The following MTOR variants were observed in gnomAD, a reference collection of about 807,000 sequenced individuals.
MTOR encodes the protein serine/threonine-protein kinase mTOR.
MTOR carries 70 observed loss-of-function variants against 319.8 expected under a neutral mutation model. That is an observed-to-expected ratio of 0.22 (90% CI 0.18 to 0.27). MTOR has a LOEUF of 0.27. Ranked by LOEUF, MTOR falls within the 10% of genes least tolerant of loss-of-function variation. The pLI is 1.00. For synonymous variants in MTOR, 1,183 were observed against 1,211.4 expected (o/e 0.98, Z 0.49); for missense variants, 1,890 against 3,274.4 (o/e 0.58, Z 10.32).
At chr1:11,254,838 C>T (rs1160920322) in intron 5 of MTOR, among the ~76,000 whole-genome samples, 1 of 151,298 alleles carries the variant, frequency 6.6e-6, no homozygotes, top group Non-Finnish European at 1.5e-5. Flanking sequence ...GATCATGACT[C>T]ACTGCAGCCT....
chr1:11,205,488 G>A (rs1646107777), intron 25 of MTOR, among the ~76,000 whole-genome samples: 1 of 152,188 alleles, frequency 6.6e-6, no homozygotes, highest in African/African-American at 2.4e-5. Flanking sequence ...GGTGTTTTAA[G>A]TTAATAAATG....
intron 28 of MTOR, chr1:11,194,571 C>A (rs113054822): frequency 6.2e-7 from 1 of 1,614,160 alleles, no homozygotes. Flanking sequence ...TGGGGAACGA[C>A]GCCCTCCAGT....
Position 11,148,865 on chromosome 1 carries a change from T to G in MTOR, c.4570+1261A>C, listed in dbSNP as rs540138787. 8.6e-5 allele frequency among the ~76,000 whole-genome samples: 13 copies of G among 151,812 alleles called. No individual in the cohort carries two copies. In the South Asian group the frequency reaches 2.7e-3, roughly 32 times the overall value. On this transcript the variant is annotated intron_variant, in intron 31 of 57. Coordinates refer to ENST00000361445, the MANE Select transcript of MTOR (RefSeq NM_004958.4). ...GTGAGCCGAGATCGTGCCACTGCAC[T>G]CCAGCCTGGGTGACAGAGCGAGACT...
intron 25 of MTOR, among the ~76,000 whole-genome samples, chr1:11,206,681 C>T (rs1646148506): frequency 6.6e-6 from 1 of 152,206 alleles, no homozygotes; most frequent in Non-Finnish European, 1.5e-5. Flanking sequence ...CCCTTTCCCC[C>T]TGCTCTGTAA....
chr1:11,191,021 A>G lies in MTOR; in HGVS notation c.4253+8237T>C, dbSNP rs549876921. ...AGTTTGGGATTAGAAAGGTATTCTC[A>G]GGCCATTTTCCAGACAAGTGAGTCC... On this transcript the variant is annotated intron_variant, in intron 28 of 57. Transcript: ENST00000361445. Among the ~76,000 whole-genome samples the G allele has an allele frequency of 4.6e-5, 7 of 152,318 alleles. No homozygotes were observed. In the South Asian group the frequency reaches 1.4e-3, roughly 32 times the overall value.
In MTOR at chr1:11,144,738, G is replaced by A. The variant is rs1643871547; in HGVS notation, c.4782C>T (p.His1594=). ...TAACCTCCTCCAGCTCGGACAGCAT[G>A]TGGCAAGAAACCATGGCCTGATGGA... The part of the protein sequence containing the change: ...SRAYGAMVSC[H]MLSELEEVIQ... Residue 1594 remains histidine (H), a synonymous_variant, in exon 34 of 58, where the codon CAC becomes CAT. Coordinates refer to ENST00000361445, the MANE Select transcript of MTOR (RefSeq NM_004958.4). 1 of 1,613,270 alleles carries A rather than the reference G, an allele frequency of 6.2e-7. No homozygotes were observed. The highest frequency in any genetic ancestry group is 8.5e-7 in the Non-Finnish European group (1 of 1,180,004).
chr1:11,219,152 TA>T (rs1450479556), intron 19 of MTOR, among the ~76,000 whole-genome samples: 2 of 151,818 alleles, frequency 1.3e-5, no homozygotes, highest in African/African-American at 4.8e-5. Context: ...GAGGTGAGGT[TA>T]CAGTGAGCTG....
intron 38 of MTOR, 65 bp from the exon 39 acceptor site, chr1:11,130,842 G>A (rs1172849598): frequency 1.8e-5 from 27 of 1,517,030 alleles, no homozygotes; most frequent in African/African-American, 5.5e-5. Context: ...TCAGAGGAGC[G>A]CAAGGTCGAT....
chr1:11,204,831 A>C, intron 25 of MTOR, 128 bp from the exon 26 acceptor site: 1 of 1,103,688 alleles, frequency 9.1e-7, no homozygotes, highest in South Asian at 1.7e-5. Context: ...AAATTCCCCT[A>C]GAGTACAAAT....
At position 11,127,637 on chromosome 1, in the gene MTOR, G is replaced by A. The variant is rs764087325; in HGVS notation, c.6203C>T (p.Thr2068Ile). ...TTTACCCCATACCTGATTAAAGGATGTTTCCTTCAGAGTCTGGGGGCCCCG... is the reference window on the plus strand; with the variant it reads ...TTTACCCCATACCTGATTAAAGGATATTTCCTTCAGAGTCTGGGGGCCCCG... ...MERGPQTLKE[T>I]SFNQAYGRDL... Residue 2068 changes from threonine (T) to isoleucine (I), a missense_variant, in exon 44 of 58, where the codon ACA becomes ATA. Transcript: ENST00000361445. The surrounding 1 kb of genome is among the most constrained non-coding windows in gnomAD (Gnocchi z 5.5). The A allele has an allele frequency of 1.2e-6, 2 of 1,613,180 alleles. No homozygotes were observed. Among genetic ancestry groups the A allele is most frequent in the South Asian group, 2.2e-5 (2 of 90,984 alleles).
intron 28 of MTOR, among the ~76,000 whole-genome samples, chr1:11,169,633 T>C (rs1644750044): frequency 6.6e-6 from 1 of 152,260 alleles, no homozygotes; most frequent in Non-Finnish European, 1.5e-5. Context: ...GGTTTAACTT[T>C]CTGGAGGTCT....
At position 11,259,491 on chromosome 1, in the gene MTOR, G is replaced by A. The variant is rs545483362; in HGVS notation, c.-14-68C>T. On this transcript the variant is annotated intron_variant, in intron 1 of 57. Transcript: ENST00000361445. ...TGATGATAAATTTACTTATGGCCCTGGTCACCCAACACAGATCTCCCCCTA... is the reference window on the plus strand; with the variant it reads ...TGATGATAAATTTACTTATGGCCCTAGTCACCCAACACAGATCTCCCCCTA... The A allele has an allele frequency of 9.3e-5, 138 of 1,482,040 alleles. 1 individual carries two copies. The African/African-American group carries it at 1.8e-3, about 19-fold the overall frequency. 91.8% of individuals were successfully genotyped at this position (1,482,040 alleles called of 1,614,324 possible). A position where few individuals can be genotyped will look rare whatever the true frequency, so the allele number is the denominator to read the frequency against.
rs751543517 is a variant in MTOR at position 11,189,832 on chromosome 1, G to T, written c.4253+9426C>A. On this transcript the variant is annotated intron_variant, in intron 28 of 57. Transcript: ENST00000361445. Reference sequence around the variant, plus strand: ...CGTGGTCATGCAGGTGATGGAGCTGGAGAGCAACAGCAAGCGCATGGAGTC... The same window carrying T: ...CGTGGTCATGCAGGTGATGGAGCTGTAGAGCAACAGCAAGCGCATGGAGTC... The T allele has an allele frequency of 1.9e-6, 3 of 1,614,208 alleles. No homozygotes were observed. The Admixed American group carries it at 5.0e-5, about 27-fold the overall frequency.
At chr1:11,171,004 G>C (rs1244979809) in intron 28 of MTOR, among the ~76,000 whole-genome samples, 1 of 151,578 alleles carries the variant, frequency 6.6e-6, no homozygotes, top group Middle Eastern at 3.2e-3. Context: ...AGACCAGTCT[G>C]GCCAATCCAG....
At chr1:11,135,038 G>A (rs903872807) in intron 36 of MTOR, among the ~76,000 whole-genome samples, 6 of 152,146 alleles carry the variant, frequency 3.9e-5, no homozygotes, top group Non-Finnish European at 7.3e-5. Context: ...GGTGACTTAG[G>A]GGCAAAATCT....
intron 5 of MTOR, among the ~76,000 whole-genome samples, chr1:11,254,660 T>C (rs1030792148): frequency 6.6e-6 from 1 of 152,196 alleles, no homozygotes; most frequent in Non-Finnish European, 1.5e-5. Context: ...ACAGGCCTCA[T>C]TATACTAGAG....
In MTOR at chr1:11,109,969, A is replaced by C. The variant is rs907158115; in HGVS notation, c.7367-240T>G. The stretch of plus-strand genomic sequence containing the variant: ...AAGGATCACTTGAGTAGCTGAGTTC[A>C]AGACCAGCCTGAGACTCCATTTGCA... On this transcript the variant is annotated intron_variant, in intron 54 of 57. Coordinates refer to ENST00000361445, the MANE Select transcript of MTOR (RefSeq NM_004958.4). This position sits in a 1 kb window ranked among gnomAD's most constrained non-coding sequence, Gnocchi z 4.0. 2.0e-5 allele frequency among the ~76,000 whole-genome samples: 3 copies of C among 151,564 alleles called. No homozygotes were observed. Among genetic ancestry groups the C allele is most frequent in the African/African-American group, 7.3e-5 (3 of 41,332 alleles).
At chr1:11,141,269 C>T (rs1424633951) in intron 34 of MTOR, among the ~76,000 whole-genome samples, 1 of 152,072 alleles carries the variant, frequency 6.6e-6, no homozygotes, top group Non-Finnish European at 1.5e-5. Flanking sequence ...GCGCACATCA[C>T]ATCTGGCTAA....
rs1220459715 is a variant in MTOR, at chr1:11,232,477, T to C, written c.2473A>G (p.Met825Val). The change falls in exon 16 of 58, where the codon ATG (methionine) becomes GTG (valine). Residue 825 changes from methionine to valine, a missense_variant. This residue lies in a region of MTOR where 377 missense variants were observed against 653.9 expected (regional missense o/e 0.58). Coordinates refer to ENST00000361445, the MANE Select transcript of MTOR (RefSeq NM_004958.4). ...KWVDELFIIIMDMLQDSSLLA... is the reference protein window; with the variant it reads ...KWVDELFIIIVDMLQDSSLLA... ...AAAGAGGAATCCTGGAGCATGTCCA[T>C]GATGATAATAAAAAGTTCATCAACC... 1 of 1,614,018 alleles carries C rather than the reference T, an allele frequency of 6.2e-7. No individual in the cohort carries two copies. The highest frequency in any genetic ancestry group is 2.2e-5 in the East Asian group (1 of 44,874).
Sources: allele counts gnomAD v4.1 joint callset (sites outside exome capture counted in the v4.1 genomes callset), GRCh38; gene constraint gnomAD v4.1.1; regional missense constraint gnomAD v4.1.1; non-coding constraint Gnocchi (gnomAD v3.1); transcripts MANE v1.5; gene names NCBI Gene and HGNC (gene_info 2026-07-23, HGNC 2026-07-21).